PTPRN2: variants seen among roughly 807,000 people sequenced by gnomAD.
The protein encoded by PTPRN2 is protein tyrosine phosphatase receptor type N2.
Under a neutral mutation model 118.8 loss-of-function variants are expected in PTPRN2, and 74 were observed. That is an observed-to-expected ratio of 0.62 (90% CI 0.52 to 0.76). The LOEUF is 0.76. PTPRN2 is among the 30% of genes least tolerant of loss of function. The pLI is 0.00. For missense variants in PTPRN2, 1,481 were observed against 1,394.4 expected (o/e 1.06, Z -0.99); for synonymous variants, 641 against 608.0 (o/e 1.05, Z -0.80).
intron 11 of PTPRN2, among the ~76,000 whole-genome samples, chr7:158,021,391 C>A (rs1806859366): frequency 6.6e-6 from 1 of 152,078 alleles, no homozygotes; most frequent in African/African-American, 2.4e-5. Flanking sequence ...TAATTCAGGA[C>A]AAGACCATGA....
intron 13 of PTPRN2, among the ~76,000 whole-genome samples, chr7:157,659,345 G>A (rs1795769308): frequency 1.1e-5 from 1 of 92,128 alleles, no homozygotes; most frequent in African/African-American, 4.3e-5. Flanking sequence ...GGACGACTGC[G>A]GGGATGGGGG....
At chr7:158,075,452 C>T (rs1812267177) in intron 11 of PTPRN2, among the ~76,000 whole-genome samples, 1 of 152,110 alleles carries the variant, frequency 6.6e-6, no homozygotes, top group Non-Finnish European at 1.5e-5. Context: ...CCACGTGGCC[C>T]TGGACACAAG....
intron 2 of PTPRN2, among the ~76,000 whole-genome samples, chr7:158,448,704 G>A (rs1817896762): frequency 6.6e-6 from 1 of 152,198 alleles, no homozygotes; most frequent in African/African-American, 2.4e-5. Flanking sequence ...CCCAGGGCAG[G>A]CCCCAGTGAG....
At chr7:158,131,454 TCTAC>T (rs946800311) in intron 9 of PTPRN2, among the ~76,000 whole-genome samples, 1 of 139,414 alleles carries the variant, frequency 7.2e-6, no homozygotes, top group Non-Finnish European at 1.5e-5. Flanking sequence ...CTGAAACACA[TCTAC>T]CTGACACACG....
At chr7:158,096,244 AAG>A (rs1814619201) in intron 10 of PTPRN2, among the ~76,000 whole-genome samples, 1 of 152,274 alleles carries the variant, frequency 6.6e-6, no homozygotes, top group South Asian at 2.1e-4. Flanking sequence ...GAAGAATTGT[AAG>A]AGTCTCAAGA....
chr7:157,767,123 T>TG (rs1802531395), intron 12 of PTPRN2, among the ~76,000 whole-genome samples: 2 of 152,168 alleles, frequency 1.3e-5, no homozygotes, highest in South Asian at 4.1e-4. Flanking sequence ...TCCTGGCACT[T>TG]GCAGTGTAGA....
chr7:157,595,571 G>A (rs1451338606), intron 16 of PTPRN2, among the ~76,000 whole-genome samples: 3 of 117,244 alleles, frequency 2.6e-5, no homozygotes, highest in African/African-American at 1.1e-4. Context: ...AGGTTAGGAA[G>A]CCAGGAGGTT....
intron 11 of PTPRN2, among the ~76,000 whole-genome samples, chr7:157,943,733 C>T (rs558789698): frequency 6.6e-6 from 1 of 152,176 alleles, no homozygotes; most frequent in Non-Finnish European, 1.5e-5. Context: ...GCCAAGGCCC[C>T]TCTAGGACAC....
intron 2 of PTPRN2, among the ~76,000 whole-genome samples, chr7:158,414,067 CAAA>C (rs34928217): frequency 2.0e-4 from 15 of 76,416 alleles, no homozygotes; most frequent in South Asian, 5.0e-4. Context: ...GCCTCTATCT[CAAA>C]AAAAAAAAAA....
chr7:158,306,644 G>A (rs1270317809), intron 3 of PTPRN2, among the ~76,000 whole-genome samples: 1 of 151,950 alleles, frequency 6.6e-6, no homozygotes, highest in Non-Finnish European at 1.5e-5. Flanking sequence ...ACAATAAACA[G>A]CAACAACAAC....
intron 12 of PTPRN2, among the ~76,000 whole-genome samples, chr7:157,734,041 T>C (rs373437428): frequency 1.9e-4 from 10 of 53,696 alleles, no homozygotes; most frequent in African/African-American, 7.4e-4. Flanking sequence ...CCCTTTCCCG[T>C]CCCATGCGCC....
At chr7:157,689,625 C>T (rs1055618707) in intron 12 of PTPRN2, among the ~76,000 whole-genome samples, 10 of 152,230 alleles carry the variant, frequency 6.6e-5, no homozygotes, top group Non-Finnish European at 1.5e-4. Flanking sequence ...GGCCAGTGTT[C>T]GGAACTGCAC....
At chr7:158,441,152 GATA>G (rs1250958393) in intron 2 of PTPRN2, among the ~76,000 whole-genome samples, 2 of 150,166 alleles carry the variant, frequency 1.3e-5, no homozygotes, top group Non-Finnish European at 2.9e-5. Context: ...TGATGGTGGT[GATA>G]GTGATGGTGA....
chr7:157,831,799 G>A lies in PTPRN2; in HGVS notation c.1788+66874C>T, dbSNP rs1273698791. ...CCAGTCCTATGACAAGCCTGGCCAC[G>A]TTAGACCCTCACGAGACGTCCCACG... On this transcript the variant is annotated intron_variant, in intron 12 of 22. Transcript: ENST00000389418. This position sits in a 1 kb window ranked among gnomAD's most constrained non-coding sequence, Gnocchi z 4.8. Among the ~76,000 whole-genome samples the A allele has an allele frequency of 6.6e-6, 1 of 152,174 alleles. No homozygotes were observed. The highest frequency in any genetic ancestry group is 2.4e-5 in the African/African-American group (1 of 41,436).
chr7:157,694,834 A>G (rs923481395), intron 12 of PTPRN2, among the ~76,000 whole-genome samples: 5 of 152,086 alleles, frequency 3.3e-5, no homozygotes, highest in African/African-American at 9.7e-5. Flanking sequence ...CATGATTTCA[A>G]TAACATTTTC....
intron 2 of PTPRN2, among the ~76,000 whole-genome samples, chr7:158,333,929 A>G (rs1183990839): frequency 3.9e-5 from 4 of 103,040 alleles, no homozygotes; most frequent in South Asian, 3.6e-4. Flanking sequence ...CCACACTCTC[A>G]CCATAAGAGC....
intron 12 of PTPRN2, among the ~76,000 whole-genome samples, chr7:157,742,556 C>A (rs937869020): frequency 6.6e-6 from 1 of 150,972 alleles, no homozygotes; most frequent in Admixed American, 6.6e-5. Context: ...ATGTGGATGG[C>A]AGGGCAGCAT....
intron 13 of PTPRN2, among the ~76,000 whole-genome samples, chr7:157,657,381 A>T (rs868735609): frequency 1.8e-4 from 15 of 83,080 alleles, no homozygotes; most frequent in Admixed American, 2.8e-4. Context: ...TACACACACA[A>T]ACGCCACACA....
At chr7:157,728,741 G>A (rs1799733202) in intron 12 of PTPRN2, among the ~76,000 whole-genome samples, 1 of 152,146 alleles carries the variant, frequency 6.6e-6, no homozygotes, top group Non-Finnish European at 1.5e-5. Flanking sequence ...AAAAGGATTT[G>A]CATAAATTGC....
Sources: gnomAD v4.1 joint callset for allele counts (sites outside exome capture counted in the v4.1 genomes callset) on GRCh38, gnomAD v4.1.1 for gene constraint, Gnocchi (gnomAD v3.1) non-coding constraint, MANE v1.5 for transcripts, NCBI Gene and HGNC (gene_info 2026-07-23, HGNC 2026-07-21) for gene names.